SPIDR: variants seen among roughly 807,000 people sequenced by gnomAD.
The protein encoded by SPIDR is scaffold protein involved in DNA repair.
SPIDR carries 93 observed loss-of-function variants against 104.6 expected under a neutral mutation model. The ratio of observed to expected loss-of-function variants is 0.89; its 90% CI spans 0.75 to 1.06. The LOEUF (loss-of-function observed/expected upper bound fraction) is 1.06. Ranked by LOEUF, SPIDR falls within the 50% of genes least tolerant of loss-of-function variation. SPIDR has a pLI of 0.00. For missense variants in SPIDR, 1,154 were observed against 1,111.2 expected (o/e 1.04, Z -0.55); for synonymous variants, 431 against 416.9 (o/e 1.03, Z -0.41).
chr8:47,543,043 C>T (rs549803169), intron 8 of SPIDR, among the ~76,000 whole-genome samples: 39 of 152,296 alleles, frequency 2.6e-4, no homozygotes, highest in African/African-American at 8.9e-4. Flanking sequence ...GCAGAGTGGA[C>T]GTCCCTGGCA....
At chr8:47,540,574 TTCTC>T (rs2087901572) in intron 8 of SPIDR, among the ~76,000 whole-genome samples, 1 of 152,158 alleles carries the variant, frequency 6.6e-6, no homozygotes, top group African/African-American at 2.4e-5. Flanking sequence ...CTTAGGAACT[TTCTC>T]TAACTACATC....
intron 10 of SPIDR, among the ~76,000 whole-genome samples, chr8:47,646,318 C>T (rs2070350393): frequency 6.6e-6 from 1 of 152,152 alleles, no homozygotes; most frequent in Non-Finnish European, 1.5e-5. Context: ...AGGGAGAGTA[C>T]ATTGTCACCA....
At chr8:47,613,156 A>AC (rs2063819659) in intron 10 of SPIDR, among the ~76,000 whole-genome samples, 1 of 151,534 alleles carries the variant, frequency 6.6e-6, no homozygotes. Flanking sequence ...CTCCCCACTA[A>AC]CCCCTTCCCC....
chr8:47,510,709 G>A (rs530395026), intron 8 of SPIDR, among the ~76,000 whole-genome samples: 1 of 152,086 alleles, frequency 6.6e-6, no homozygotes, highest in Non-Finnish European at 1.5e-5. Context: ...TAAGAATTAT[G>A]TGTATGTTTG....
chr8:47,335,262 C>G (rs1193176625), intron 5 of SPIDR, among the ~76,000 whole-genome samples: 2 of 152,090 alleles, frequency 1.3e-5, no homozygotes, highest in East Asian at 3.8e-4. Context: ...TTTCTTTCTT[C>G]TGTAGAACTT....
At chr8:47,586,007 C>T (rs1193693822) in intron 8 of SPIDR, among the ~76,000 whole-genome samples, 1 of 152,108 alleles carries the variant, frequency 6.6e-6, no homozygotes, top group Non-Finnish European at 1.5e-5. Flanking sequence ...TAGGTATTGG[C>T]TTTTTTCACT....
chr8:47,628,472 C>T (rs921586627), intron 10 of SPIDR, among the ~76,000 whole-genome samples: 20 of 152,082 alleles, frequency 1.3e-4, no homozygotes, highest in African/African-American at 4.3e-4. Flanking sequence ...TGTTGAGCAC[C>T]AGCATGAGTG....
intron 8 of SPIDR, among the ~76,000 whole-genome samples, chr8:47,563,050 T>C (rs1024225229): frequency 5.3e-5 from 8 of 151,952 alleles, no homozygotes; most frequent in Non-Finnish European, 1.0e-4. Flanking sequence ...TTTTTTTTTT[T>C]TTTGTCAATG....
intron 5 of SPIDR, among the ~76,000 whole-genome samples, chr8:47,314,820 G>A (rs1323949851): frequency 6.6e-6 from 1 of 152,154 alleles, no homozygotes; most frequent in Non-Finnish European, 1.5e-5. Context: ...ATTGAAAATA[G>A]ATTAAGTGTT....
Position 47,728,922 on chromosome 8 carries a change from T to C in SPIDR, c.2436-11T>C, listed in dbSNP as rs2154493885. The C allele has an allele frequency of 6.3e-7, 1 of 1,598,142 alleles. No homozygotes were observed. Among genetic ancestry groups the C allele is most frequent in the African/African-American group, 1.4e-5 (1 of 73,834 alleles). ...CGGGGCCTTGTCTTTCCTTGGCTTTTCATATACCAGAGGCGCCTTTTCCTG... is the reference window on the plus strand; with the variant it reads ...CGGGGCCTTGTCTTTCCTTGGCTTTCCATATACCAGAGGCGCCTTTTCCTG... On this transcript the variant is annotated splice_polypyrimidine_tract_variant and intron_variant, in intron 17 of 19. Transcript: ENST00000297423.
rs749298494 is a variant in SPIDR, at chr8:47,735,328, C to T, written c.2626C>T (p.Leu876Phe). ...GCAGAGCTACGAAGTGAAGAGTGTC[C>T]TCGGAAAGGAAGTGGGGTTGTTAAA... ...EDGSYEVKSV[L>F]GKEVGLLNCF... Residue 876 changes from leucine (L) to phenylalanine (F), a missense_variant, in exon 20 of 20, where the codon CTC becomes TTC. Leu to Phe is a conservative substitution (Grantham distance 22, BLOSUM62 0). Transcript: ENST00000297423. 2 of 1,613,898 alleles carry T rather than the reference C, an allele frequency of 1.2e-6. No homozygotes were observed. The highest frequency in any genetic ancestry group is 1.3e-5 in the African/African-American group (1 of 74,882).
At chr8:47,333,760 T>C (rs1554606339) in intron 5 of SPIDR, among the ~76,000 whole-genome samples, 1 of 152,210 alleles carries the variant, frequency 6.6e-6, no homozygotes, top group African/African-American at 2.4e-5. Flanking sequence ...ACCATGAACA[T>C]GTGAAAAATG....
intron 10 of SPIDR, among the ~76,000 whole-genome samples, chr8:47,649,502 TTC>T (rs1238547697): frequency 6.6e-6 from 1 of 152,136 alleles, no homozygotes; most frequent in Non-Finnish European, 1.5e-5. Context: ...TGCAGCCCGA[TTC>T]TGAACTATCT....
At chr8:47,638,547 C>G (rs890199425) in intron 10 of SPIDR, among the ~76,000 whole-genome samples, 3 of 152,180 alleles carry the variant, frequency 2.0e-5, no homozygotes, top group African/African-American at 7.2e-5. Flanking sequence ...TGATATGTAC[C>G]TCTTGCTACT....
In SPIDR at chr8:47,394,210, C is replaced by G. The variant is rs149597829; in HGVS notation, c.526-2166C>G. 2.7e-3 allele frequency among the ~76,000 whole-genome samples: 415 copies of G among 152,216 alleles called. 8 individuals carry two copies. Among genetic ancestry groups the G allele is most frequent in the Admixed American group, 0.025 (382 of 15,286 alleles). ...CCACCCAGCCAGAAACAGACCTTTT[C>G]TGACACTTAACTCTTCTCTTTCCCT... is the stretch of plus-strand genomic sequence containing the variant. On this transcript the variant is annotated intron_variant, in intron 5 of 19. Coordinates refer to ENST00000297423, the MANE Select transcript of SPIDR (RefSeq NM_001080394.4).
intron 8 of SPIDR, among the ~76,000 whole-genome samples, chr8:47,574,155 T>C (rs2058822869): frequency 6.6e-6 from 1 of 152,226 alleles, no homozygotes; most frequent in African/African-American, 2.4e-5. Flanking sequence ...GGTCTTACTT[T>C]GTTGATTCTT....
intron 5 of SPIDR, among the ~76,000 whole-genome samples, chr8:47,297,232 G>A (rs1329730657): frequency 6.6e-6 from 1 of 152,058 alleles, no homozygotes; most frequent in Admixed American, 6.6e-5. Context: ...CTCTTGCCAG[G>A]ACATCTAACT....
intron 8 of SPIDR, among the ~76,000 whole-genome samples, chr8:47,583,165 G>T (rs973317578): frequency 1.3e-5 from 2 of 151,860 alleles, no homozygotes; most frequent in Non-Finnish European, 2.9e-5. Flanking sequence ...AATTAGCCGG[G>T]CGTGGTGGCG....
At chr8:47,462,958 G>A (rs2074188468) in intron 8 of SPIDR, among the ~76,000 whole-genome samples, 5 of 152,172 alleles carry the variant, frequency 3.3e-5, no homozygotes, top group Admixed American at 3.3e-4. Context: ...GGGTAACCTA[G>A]ATGAAATGTA....
Sources: allele counts gnomAD v4.1 joint callset (sites outside exome capture counted in the v4.1 genomes callset), GRCh38; gene constraint gnomAD v4.1.1; transcripts MANE v1.5; gene names NCBI Gene and HGNC (gene_info 2026-07-23, HGNC 2026-07-21).